The following STK39 variants were observed in gnomAD, a reference collection of about 807,000 sequenced individuals.
STK39 encodes the protein serine/threonine kinase 39.
STK39 carries 20 observed loss-of-function variants against 77.8 expected under a neutral mutation model. The ratio of observed to expected loss-of-function variants is 0.26; its 90% CI spans 0.18 to 0.37. STK39 has a LOEUF of 0.37. Ranked by LOEUF, STK39 falls within the 10% of genes least tolerant of loss-of-function variation. The probability of loss-of-function intolerance (pLI) is 1.00; values close to 1 mark genes in which losing one functional copy is unlikely to be tolerated. For synonymous variants in STK39, 246 were observed against 234.1 expected, an observed-to-expected ratio of 1.05 and a Z score of -0.47; for missense variants, 479 against 656.5, an observed-to-expected ratio of 0.73 and a Z score of 2.95.
At chr2:168,109,424 C>T (rs1040720434) in intron 10 of STK39, among the ~76,000 whole-genome samples, 2 of 152,134 alleles carry the variant, frequency 1.3e-5, no homozygotes, top group African/African-American at 2.4e-5. Flanking sequence ...TGTTCATTTT[C>T]GCTGCTGTAT....
At chr2:168,197,567 G>C (rs531669382) in intron 1 of STK39, among the ~76,000 whole-genome samples, 1 of 152,302 alleles carries the variant, frequency 6.6e-6, no homozygotes, top group East Asian at 1.9e-4. Context: ...CAGGGGGAAA[G>C]AACTGTCCAA....
At chr2:167,977,091 AG>A (rs1433847332) in intron 16 of STK39, among the ~76,000 whole-genome samples, 2 of 152,218 alleles carry the variant, frequency 1.3e-5, no homozygotes, top group Non-Finnish European at 2.9e-5. Flanking sequence ...TTCTCCTTAC[AG>A]TTCAGGTAAA....
chr2:168,018,890 A>G (rs1438021774), intron 14 of STK39, among the ~76,000 whole-genome samples: 1 of 152,200 alleles, frequency 6.6e-6, no homozygotes, highest in African/African-American at 2.4e-5. Flanking sequence ...TACACAGGGC[A>G]TGGCACTTGC....
rs1186813675 is a variant in STK39 at position 168,242,546 on chromosome 2, C to CAAAA, written c.208+4678_208+4681dup. On this transcript the variant is annotated intron_variant, in intron 1 of 17. Transcript: ENST00000355999. ...CCCAGGCAACAGAGCAAGACTCTTA[C>CAAAA]AAAAAAAAAAAAAAATATATATATA... Among the ~76,000 whole-genome samples the CAAAA allele has an allele frequency of 3.9e-3, 69 of 17,504 alleles. 6 individuals are homozygous for CAAAA. The highest frequency in any genetic ancestry group is 6.1e-3 in the Admixed American group (7 of 1,156). 11.5% of individuals were successfully genotyped at this position (17,504 alleles called of 152,430 possible).
At chr2:168,136,009 T>C (rs560376684) in intron 8 of STK39, among the ~76,000 whole-genome samples, 37 of 149,170 alleles carry the variant, frequency 2.5e-4, no homozygotes, top group Admixed American at 1.2e-3. Context: ...TTTGGTGGAA[T>C]AGAAGGAACC....
intron 14 of STK39, among the ~76,000 whole-genome samples, chr2:168,062,696 G>A (rs925111923): frequency 2.0e-5 from 3 of 152,070 alleles, no homozygotes; most frequent in East Asian, 1.9e-4. Context: ...TGATGAACCC[G>A]CTTTTTGTAG....
intron 1 of STK39, among the ~76,000 whole-genome samples, chr2:168,238,536 ACAAT>A (rs1332747321): frequency 6.6e-6 from 1 of 152,226 alleles, no homozygotes; most frequent in Non-Finnish European, 1.5e-5. Context: ...ATCAAAATAC[ACAAT>A]CAGTTTAAAA....
At chr2:168,134,901 A>G (rs1207717265) in intron 8 of STK39, among the ~76,000 whole-genome samples, 1 of 152,202 alleles carries the variant, frequency 6.6e-6, no homozygotes, top group East Asian at 1.9e-4. Context: ...CAGGTAGATG[A>G]TCTACATTTA....
At chr2:168,152,402 G>C (rs935949500) in intron 5 of STK39, among the ~76,000 whole-genome samples, 1 of 152,164 alleles carries the variant, frequency 6.6e-6, no homozygotes, top group Non-Finnish European at 1.5e-5. Flanking sequence ...AGCTAATGAA[G>C]GGTTATTTGA....
rs146096556 is a variant in STK39, at chr2:168,208,689, C to A, written c.209-26599G>T. Among the ~76,000 whole-genome samples the A allele has an allele frequency of 1.1e-3, 175 of 152,328 alleles. 1 individual carries two copies. The highest frequency in any genetic ancestry group is 4.1e-3 in the African/African-American group (170 of 41,572). ...CCTTCTTGAGCACAAAAGCACTGCACTACCCTGAAATAGGCAGGACCACGT... is the reference window on the plus strand; with the variant it reads ...CCTTCTTGAGCACAAAAGCACTGCAATACCCTGAAATAGGCAGGACCACGT... On this transcript the variant is annotated intron_variant, in intron 1 of 17. Coordinates refer to ENST00000355999, the MANE Select transcript of STK39 (RefSeq NM_013233.3).
intron 1 of STK39, among the ~76,000 whole-genome samples, chr2:168,197,994 T>C (rs1273699132): frequency 2.0e-5 from 3 of 148,922 alleles, no homozygotes; most frequent in Admixed American, 6.8e-5. Context: ...GCCGAGACTG[T>C]GCCATTGCAC....
At chr2:167,958,418 T>G (rs1018815673) in intron 17 of STK39, among the ~76,000 whole-genome samples, 6 of 152,182 alleles carry the variant, frequency 3.9e-5, no homozygotes, top group Admixed American at 3.9e-4. Flanking sequence ...TTCATTAAAC[T>G]TAACAATAAT....
chr2:168,029,824 C>G (rs1684789449), intron 14 of STK39, among the ~76,000 whole-genome samples: 1 of 152,176 alleles, frequency 6.6e-6, no homozygotes, highest in Non-Finnish European at 1.5e-5. Context: ...ATGCAGGAGA[C>G]TGGCTTATGT....
chr2:168,043,766 A>C (rs898238369), intron 14 of STK39, among the ~76,000 whole-genome samples: 11 of 152,208 alleles, frequency 7.2e-5, no homozygotes, highest in Admixed American at 7.2e-4. Flanking sequence ...ATCATCTCAC[A>C]ATTTCTGACT....
In STK39 at chr2:168,044,438, T is replaced by C. The variant is rs115307488; in HGVS notation, c.1376+19062A>G. 7.8e-3 allele frequency among the ~76,000 whole-genome samples: 1,186 copies of C among 152,274 alleles called. 20 individuals carry two copies. Among genetic ancestry groups the C allele is most frequent in the African/African-American group, 0.027 (1,121 of 41,540 alleles). On this transcript the variant is annotated intron_variant, in intron 14 of 17. Transcript: ENST00000355999. ...GAACATCATAAAGTCAATTCTAGCC[T>C]AAGAGAGGTTACTGGGCATCAGCTT...
intron 14 of STK39, among the ~76,000 whole-genome samples, chr2:168,052,605 A>T (rs1273817070): frequency 6.6e-6 from 1 of 152,152 alleles, no homozygotes; most frequent in Non-Finnish European, 1.5e-5. Flanking sequence ...AAAATCATTC[A>T]GTTGGCACCT....
chr2:168,026,072 T>C (rs2105332380), intron 14 of STK39, among the ~76,000 whole-genome samples: 1 of 152,362 alleles, frequency 6.6e-6, no homozygotes, highest in East Asian at 1.9e-4. Flanking sequence ...GTGCTACTGC[T>C]ATAAGCCATT....
chr2:168,107,979 A>G (rs116072871), intron 10 of STK39, among the ~76,000 whole-genome samples: 4 of 152,340 alleles, frequency 2.6e-5, no homozygotes, highest in African/African-American at 4.8e-5. Flanking sequence ...TTCCAAGCCA[A>G]CCAAATTTTA....
intron 14 of STK39, 144 bp from the exon 15 acceptor site, chr2:168,017,239 G>A: frequency 2.2e-6 from 1 of 446,186 alleles, no homozygotes; most frequent in Middle Eastern, 5.3e-4. Flanking sequence ...TTGTTAACTG[G>A]AAAAGATAGT....
Sources: allele counts gnomAD v4.1 joint callset (sites outside exome capture counted in the v4.1 genomes callset), GRCh38; gene constraint gnomAD v4.1.1; transcripts MANE v1.5; gene names NCBI Gene and HGNC (gene_info 2026-07-23, HGNC 2026-07-21).